GNB4: variants seen among roughly 807,000 people sequenced by gnomAD.
GNB4 encodes G protein subunit beta 4, also known as guanine nucleotide-binding protein subunit beta-4.
In GNB4, 28 loss-of-function variants were observed where a neutral mutation model predicts 45.2. The observed-to-expected ratio is 0.62, with a 90% CI of 0.46 to 0.85. The LOEUF is 0.85. Among genes scored for constraint, GNB4 ranks in the 40% least tolerant of loss-of-function variants. The probability of loss-of-function intolerance (pLI) is 0.00; values close to 1 mark genes in which losing one functional copy is unlikely to be tolerated. For missense variants in GNB4, 321 were observed against 425.4 expected (o/e 0.75, Z 2.16); for synonymous variants, 132 against 143.7 (o/e 0.92, Z 0.58).
intron 9 of GNB4, among the ~76,000 whole-genome samples, chr3:179,403,370 C>T (rs537898821): frequency 6.6e-6 from 1 of 151,554 alleles, no homozygotes; most frequent in South Asian, 2.1e-4. Context: ...AATTCTTTCA[C>T]TAATAATAGC....
At chr3:179,481,141 G>A in the GNB4 span, among the ~76,000 whole-genome samples, 2 of 151,478 alleles carry the variant, frequency 1.3e-5, no homozygotes, top group East Asian at 2.0e-4. Flanking sequence ...GTGAGCCACT[G>A]CGCCCGGCCG....
At chr3:179,411,798 T>C (rs562086457) in intron 8 of GNB4, among the ~76,000 whole-genome samples, 127 of 152,366 alleles carry the variant, frequency 8.3e-4, no homozygotes, top group Non-Finnish European at 1.4e-3. Flanking sequence ...TTTCAATAAG[T>C]GTATGATAAA....
chr3:179,419,304 T>C (rs374373553), intron 4 of GNB4, 95 bp downstream of exon 4: 18 of 814,892 alleles, frequency 2.2e-5, no homozygotes, highest in East Asian at 2.2e-4. Context: ...TTCATGAATA[T>C]ATTCTGTTTT....
chr3:179,413,312 T>C, intron 8 of GNB4, 100 bp downstream of exon 8: 1 of 885,678 alleles, frequency 1.1e-6, no homozygotes, highest in Non-Finnish European at 1.8e-6. Flanking sequence ...AGCACATTAC[T>C]TGTAAGAATC....
intron 5 of GNB4, among the ~76,000 whole-genome samples, chr3:179,416,125 G>A (rs912613437): frequency 4.6e-5 from 7 of 151,896 alleles, no homozygotes; most frequent in African/African-American, 1.7e-4. Flanking sequence ...TGCCTGGAGC[G>A]GGCCAAAGAA....
the GNB4 span, among the ~76,000 whole-genome samples, chr3:179,487,154 T>C: frequency 6.6e-6 from 1 of 152,242 alleles, no homozygotes; most frequent in Non-Finnish European, 1.5e-5. Context: ...TGAATGTCTT[T>C]AGACTTGGAA....
At chr3:179,426,329 T>C (rs867066000) in intron 1 of GNB4, 87 bp from the exon 2 acceptor site, 44 of 621,606 alleles carry the variant, frequency 7.1e-5, no homozygotes, top group South Asian at 9.2e-5. Context: ...TAACTTCTTT[T>C]TGGACCTACT....
chr3:179,405,450 C>A (rs2108580177), intron 8 of GNB4, 44 bp from the exon 9 acceptor site: 1 of 1,331,516 alleles, frequency 7.5e-7, no homozygotes, highest in African/African-American at 1.5e-5. Flanking sequence ...GATGTATGCA[C>A]AATCATAGGA....
chr3:179,521,198 G>A, the GNB4 span, among the ~76,000 whole-genome samples: 47 of 152,238 alleles, frequency 3.1e-4, no homozygotes, highest in Non-Finnish European at 5.1e-4. Context: ...ATAATTCCTC[G>A]GTTTGGCCTT....
the GNB4 span, among the ~76,000 whole-genome samples, chr3:179,522,629 T>C: frequency 1.3e-5 from 2 of 152,298 alleles, no homozygotes; most frequent in South Asian, 4.1e-4. Context: ...TGGAAGATAC[T>C]ATAGCATAGC....
chr3:179,488,716 G>A, the GNB4 span, among the ~76,000 whole-genome samples: 10 of 151,908 alleles, frequency 6.6e-5, no homozygotes, highest in South Asian at 2.1e-4. Flanking sequence ...CATGCATGGC[G>A]GTTCAGGCCT....
At chr3:179,408,566 A>C (rs1714546459) in intron 8 of GNB4, among the ~76,000 whole-genome samples, 1 of 152,066 alleles carries the variant, frequency 6.6e-6, no homozygotes, top group South Asian at 2.1e-4. Flanking sequence ...CGAGGCAGAC[A>C]GATCACCTGA....
chr3:179,431,374 T>A (rs1370947633), intron 1 of GNB4, among the ~76,000 whole-genome samples: 1 of 151,982 alleles, frequency 6.6e-6, no homozygotes, highest in Non-Finnish European at 1.5e-5. Context: ...CTGACCAATA[T>A]GGCGAAACCC....
the GNB4 span, among the ~76,000 whole-genome samples, chr3:179,508,932 G>GTGTGTGTATATATATATATATA: frequency 1.4e-3 from 142 of 102,114 alleles, 1 homozygote; most frequent in Middle Eastern, 6.2e-3. Context: ...TTCAGCATGT[G>GTGTGTGTATATATATATATATA]TATATATATA....
the GNB4 span, among the ~76,000 whole-genome samples, chr3:179,523,722 T>C: frequency 1.3e-5 from 2 of 151,792 alleles, no homozygotes; most frequent in Admixed American, 1.3e-4. Flanking sequence ...GGGATAGTAA[T>C]GGGCGTGTGA....
At chr3:179,516,637 C>T in the GNB4 span, among the ~76,000 whole-genome samples, 1 of 152,126 alleles carries the variant, frequency 6.6e-6, no homozygotes, top group African/African-American at 2.4e-5. Flanking sequence ...AAGAGGCGGG[C>T]TAGCGGCTTG....
chr3:179,480,887 T>C, the GNB4 span, among the ~76,000 whole-genome samples: 1 of 150,078 alleles, frequency 6.7e-6, no homozygotes, highest in South Asian at 2.1e-4. Context: ...AGTCTTGCTC[T>C]GTCACCCAGG....
chr3:179,397,698 T>C lies in GNB4; in HGVS notation c.*3515A>G, dbSNP rs1192423085. On this transcript the variant is annotated 3_prime_UTR_variant, in exon 10 of 10. Transcript: ENST00000232564. ...CAGCATAGCTGCCAAAAATGAGGCCTGTCCATTAAAGTGGAGGAGATATCC... is the reference window on the plus strand; with the variant it reads ...CAGCATAGCTGCCAAAAATGAGGCCCGTCCATTAAAGTGGAGGAGATATCC... 6.5e-6 allele frequency: 1 copy of C among 152,678 alleles called. No homozygotes were observed. The highest frequency in any genetic ancestry group is 1.5e-5 in the Non-Finnish European group (1 of 68,052). 9.5% of individuals were successfully genotyped at this position (152,678 alleles called of 1,614,324 possible). A position where few individuals can be genotyped will look rare whatever the true frequency, so the allele number is the denominator to read the frequency against.
At position 179,399,008 on chromosome 3, in the gene GNB4, ACT is replaced by A. The variant is rs1488449035; in HGVS notation, c.*2203_*2204del. 6.6e-6 allele frequency: 1 copy of A among 152,036 alleles called. No homozygotes were observed. Among genetic ancestry groups the A allele is most frequent in the Non-Finnish European group, 1.5e-5 (1 of 68,014 alleles). 9.4% of individuals were successfully genotyped at this position (152,036 alleles called of 1,614,324 possible). A position where few individuals can be genotyped will look rare whatever the true frequency, so the allele number is the denominator to read the frequency against. On this transcript the variant is annotated 3_prime_UTR_variant, in exon 10 of 10. Coordinates refer to ENST00000232564, the MANE Select transcript of GNB4 (RefSeq NM_021629.4). ...ATAATAACTTTTAAGTAGAGGAGAT[ACT>A]CTCTTACATATTTAAGGTTATTTTT... is the stretch of plus-strand genomic sequence containing the variant.
Sources: gnomAD v4.1 joint callset for allele counts (sites outside exome capture counted in the v4.1 genomes callset) on GRCh38, gnomAD v4.1.1 for gene constraint, MANE v1.5 for transcripts, NCBI Gene and HGNC (gene_info 2026-07-23, HGNC 2026-07-21) for gene names.